Variants in P2RX7 observed in about 807,000 individuals in gnomAD.
P2RX7 encodes purinergic receptor P2X 7.
A neutral mutation model predicts 71.6 loss-of-function variants in P2RX7; 62 were observed. The ratio of observed to expected loss-of-function variants is 0.87; its 90% CI spans 0.71 to 1.07. P2RX7 has a LOEUF of 1.07. Among genes scored for constraint, P2RX7 ranks in the 50% least tolerant of loss-of-function variants. P2RX7 has a pLI of 0.00. For synonymous variants in P2RX7, 299 were observed against 283.3 expected (o/e 1.06, Z -0.56); for missense variants, 686 against 748.5 (o/e 0.92, Z 0.97).
chr12:121,184,201 T>C, intron 12 of P2RX7, 104 bp from the exon 13 acceptor site: 1 of 1,356,370 alleles, frequency 7.4e-7, no homozygotes. Context: ...ACGGCTACTA[T>C]AAATCATGTA....
At chr12:121,146,695 G>A (rs1840207869) in intron 1 of P2RX7, among the ~76,000 whole-genome samples, 1 of 152,194 alleles carries the variant, frequency 6.6e-6, no homozygotes, top group Admixed American at 6.5e-5. Context: ...TATAAAATGT[G>A]CACACCCAGA....
chr12:121,167,724 A>G (rs1407462749), intron 8 of P2RX7, 100 bp downstream of exon 8: 1 of 1,086,198 alleles, frequency 9.2e-7, no homozygotes, highest in African/African-American at 1.6e-5. Context: ...GATGAATGAA[A>G]AAAGACTTTC....
In P2RX7 at chr12:121,146,285, CTCTTTT is replaced by C. The variant is rs1226833549; in HGVS notation, c.126-8498_126-8493del. Among the ~76,000 whole-genome samples the C allele has an allele frequency of 1.0e-4, 14 of 138,330 alleles. No homozygotes were observed. The East Asian group carries it at 1.9e-3, about 19-fold the overall frequency. 90.7% of individuals were successfully genotyped at this position (138,330 alleles called of 152,430 possible). On this transcript the variant is annotated intron_variant, in intron 1 of 12. Coordinates refer to ENST00000328963, the MANE Select transcript of P2RX7 (RefSeq NM_002562.6). ...GACCATCCTCTTATTTGTCAAGCCT[CTCTTTT>C]TTTTTTTTTTTTTTTTTTTTTTTTT... is the stretch of plus-strand genomic sequence containing the variant.
chr12:121,134,843 A>G (rs1565932475), intron 1 of P2RX7, among the ~76,000 whole-genome samples: 1 of 152,122 alleles, frequency 6.6e-6, no homozygotes, highest in Non-Finnish European at 1.5e-5. Context: ...ATAGAGTGGC[A>G]GTGTAGTTTA....
At position 121,156,101 on chromosome 12, in the gene P2RX7, C is replaced by G; in HGVS notation, c.317C>G (p.Thr106Arg). ...PLQGNSFFVMTNFLKTEGQEQ... is the reference protein window; with the variant it reads ...PLQGNSFFVMRNFLKTEGQEQ... Reference sequence around the variant, plus strand: ...CAGGGGAACTCTTTCTTCGTGATGACAAACTTTCTCAAAACAGAAGGCCAA... The same window carrying G: ...CAGGGGAACTCTTTCTTCGTGATGAGAAACTTTCTCAAAACAGAAGGCCAA... Residue 106 changes from threonine (T) to arginine (R), a missense_variant, in exon 3 of 13, where the codon ACA becomes AGA. Thr to Arg is a moderately conservative substitution (Grantham distance 71). Coordinates refer to ENST00000328963, the MANE Select transcript of P2RX7 (RefSeq NM_002562.6). 6.2e-7 allele frequency: 1 copy of G among 1,614,168 alleles called. No homozygotes were observed. Among genetic ancestry groups the G allele is most frequent in the African/African-American group, 1.3e-5 (1 of 75,040 alleles).
At chr12:121,177,239 A>T in intron 10 of P2RX7, 27 bp downstream of exon 10, 1 of 1,614,084 alleles carries the variant, frequency 6.2e-7, no homozygotes, top group Non-Finnish European at 8.5e-7. Context: ...TCCATGCTTT[A>T]GGAAAATGGT....
intron 12 of P2RX7, 124 bp from the exon 13 acceptor site, chr12:121,184,181 C>A: frequency 8.3e-7 from 1 of 1,199,792 alleles, no homozygotes; most frequent in Non-Finnish European, 1.1e-6. Context: ...ATATCTACAC[C>A]TAATAAATGA....
Position 121,186,105 on chromosome 12 carries a change from C to T in P2RX7, c.*1303C>T, listed in dbSNP as rs184519132. 2 of 152,586 alleles carry T rather than the reference C, an allele frequency of 1.3e-5. No individual in the cohort carries two copies. Among genetic ancestry groups the T allele is most frequent in the East Asian group, 1.9e-4 (1 of 5,206 alleles). The allele number at this position is 152,586 out of a possible 1,614,324, so 9.5% of individuals were successfully genotyped here. On this transcript the variant is annotated 3_prime_UTR_variant, in exon 13 of 13. Transcript: ENST00000328963. ...GTCTGCCTATCCTGAGACTGCCCTG[C>T]TGTGAGGAAGCCCAAGCAGTCACGT...
rs1483034017 is a variant in P2RX7, at chr12:121,187,253, T to C, written c.*2451T>C. ...CTAAGAGTTACCATTTTGATACCTT[T>C]TAAAAACCAGCAGCTTTCTACTATA... On this transcript the variant is annotated 3_prime_UTR_variant, in exon 13 of 13. Coordinates refer to ENST00000328963, the MANE Select transcript of P2RX7 (RefSeq NM_002562.6). 1.3e-5 allele frequency: 2 copies of C among 152,226 alleles called. No individual in the cohort carries two copies. The highest frequency in any genetic ancestry group is 2.9e-5 in the Non-Finnish European group (2 of 68,044). 9.4% of individuals were successfully genotyped at this position (152,226 alleles called of 1,614,324 possible). A position where few individuals can be genotyped will look rare whatever the true frequency, so the allele number is the denominator to read the frequency against.
At chr12:121,181,941 G>A (rs1318346024) in intron 12 of P2RX7, among the ~76,000 whole-genome samples, 2 of 151,926 alleles carry the variant, frequency 1.3e-5, no homozygotes, top group Non-Finnish European at 2.9e-5. Context: ...GTGCACACCT[G>A]TAATCCCAGC....
intron 1 of P2RX7, among the ~76,000 whole-genome samples, chr12:121,140,945 A>T (rs2135988877): frequency 6.6e-6 from 1 of 152,210 alleles, no homozygotes; most frequent in South Asian, 2.1e-4. Context: ...AATTAGCCAG[A>T]CATGGTGGCA....
intron 8 of P2RX7, among the ~76,000 whole-genome samples, chr12:121,170,923 G>T (rs1347630138): frequency 6.6e-6 from 1 of 152,210 alleles, no homozygotes; most frequent in Non-Finnish European, 1.5e-5. Flanking sequence ...GGAAGTTGAA[G>T]AAGTTGATCA....
chr12:121,144,491 C>T (rs1235487134), intron 1 of P2RX7, among the ~76,000 whole-genome samples: 1 of 152,206 alleles, frequency 6.6e-6, no homozygotes. Flanking sequence ...AGCCACTGCA[C>T]CCAGCCCTAA....
intron 4 of P2RX7, among the ~76,000 whole-genome samples, chr12:121,161,665 G>A (rs190332939): frequency 7.2e-5 from 11 of 151,736 alleles, no homozygotes; most frequent in Admixed American, 4.6e-4. Flanking sequence ...GGTGGCACAC[G>A]CTTATAATCC....
intron 5 of P2RX7, among the ~76,000 whole-genome samples, chr12:121,164,295 C>T (rs2136084780): frequency 6.6e-6 from 1 of 152,346 alleles, no homozygotes; most frequent in Admixed American, 6.5e-5. Context: ...ACATCCATCA[C>T]CACGTAGTAG....
At chr12:121,133,648 T>G (rs887583444) in intron 1 of P2RX7, among the ~76,000 whole-genome samples, 6 of 152,346 alleles carry the variant, frequency 3.9e-5, no homozygotes, top group Admixed American at 3.3e-4. Flanking sequence ...CCCAGAGTTG[T>G]GCAACCATCC....
In P2RX7 at chr12:121,180,453, C is replaced by T. The variant is rs199714545; in HGVS notation, c.1288C>T (p.Pro430Ser). The T allele has an allele frequency of 5.2e-5, 80 of 1,527,648 alleles. No individual in the cohort carries two copies. Among genetic ancestry groups the T allele is most frequent in the Non-Finnish European group, 6.4e-5 (72 of 1,124,686 alleles). 94.6% of individuals were successfully genotyped at this position (1,527,648 alleles called of 1,614,324 possible). ...GCAAGATGTCAAGGGCCAAGAAGTCCCAGTAAGTTAAATCATTTTGTCTTT... is the reference window on the plus strand; with the variant it reads ...GCAAGATGTCAAGGGCCAAGAAGTCTCAGTAAGTTAAATCATTTTGTCTTT... ...SLQDVKGQEV[P>S]RPAMDFTDLS... The change falls in exon 12 of 13, where the codon CCA becomes TCA. Residue 430 changes from proline to serine, a missense_variant and splice_region_variant. Coordinates refer to ENST00000328963, the MANE Select transcript of P2RX7 (RefSeq NM_002562.6).
rs1236728787 is a variant in P2RX7, at chr12:121,156,156, G to A, written c.363+9G>A. On this transcript the variant is annotated intron_variant, in intron 3 of 12. Coordinates refer to ENST00000328963, the MANE Select transcript of P2RX7 (RefSeq NM_002562.6). ...AGCGGTTGTGTCCCGAGGTAAGGAG[G>A]GGACCTGGAGTGGTGGGTCAGGTCT... 3.1e-6 allele frequency: 5 copies of A among 1,612,666 alleles called. No individual in the cohort carries two copies. Among genetic ancestry groups the A allele is most frequent in the African/African-American group, 1.3e-5 (1 of 75,042 alleles).
intron 8 of P2RX7, among the ~76,000 whole-genome samples, chr12:121,171,194 T>C (rs1882102789): frequency 6.6e-6 from 1 of 152,096 alleles, no homozygotes; most frequent in African/African-American, 2.4e-5. Flanking sequence ...GGAATCAAGA[T>C]GTCAGCAGGG....
Sources: gnomAD v4.1 joint callset for allele counts (sites outside exome capture counted in the v4.1 genomes callset) on GRCh38, gnomAD v4.1.1 for gene constraint, MANE v1.5 for transcripts, NCBI Gene and HGNC (gene_info 2026-07-23, HGNC 2026-07-21) for gene names.